Variants in ZNF532 observed in about 807,000 individuals in gnomAD.
ZNF532 encodes zinc finger protein 532.
Under a neutral mutation model 89.3 loss-of-function variants are expected in ZNF532, and 22 were observed. That is an observed-to-expected ratio of 0.25 (90% CI 0.18 to 0.35). ZNF532 has a LOEUF of 0.35. Among genes scored for constraint, ZNF532 ranks in the 10% least tolerant of loss-of-function variants. The pLI is 1.00. For missense variants in ZNF532, 1,132 were observed against 1,643.4 expected (o/e 0.69, Z 5.38); for synonymous variants, 606 against 649.6 (o/e 0.93, Z 1.02).
In ZNF532 at chr18:58,986,258, A is replaced by ATATT. The variant is rs1466298471; in HGVS notation, c.*1792_*1793insTATT. 6.6e-6 allele frequency: 1 copy of ATATT among 152,660 alleles called. No individual in the cohort carries two copies. Among genetic ancestry groups the ATATT allele is most frequent in the Non-Finnish European group, 1.5e-5 (1 of 68,052 alleles). The allele number at this position is 152,660 out of a possible 1,614,324, so 9.5% of individuals were successfully genotyped here. On this transcript the variant is annotated 3_prime_UTR_variant, in exon 10 of 10. Transcript: ENST00000591808. ...GTTTCTGCATTTGAACCTTGCAATA[A>ATATT]GCCTGTGTGGTAGGCCACATAGGTC...
At chr18:58,863,579 G>T, upstream of ZNF532, 1 of 5,310 alleles carries the variant, frequency 1.9e-4, no homozygotes, top group South Asian at 4.5e-3. Flanking sequence ...CCCCGGCAGC[G>T]GGAACGCAGA....
intron 5 of ZNF532, chr18:58,939,933 G>A (rs554851442): frequency 5.0e-4 from 93 of 186,806 alleles, no homozygotes; most frequent in African/African-American, 1.9e-3. Context: ...TCGCTCTGTC[G>A]CCCAGGCTAG....
chr18:58,870,075 T>G (rs1213420870), intron 2 of ZNF532, among the ~76,000 whole-genome samples: 2 of 111,226 alleles, frequency 1.8e-5, no homozygotes, highest in African/African-American at 3.6e-5. Context: ...CCAGGTTGTT[T>G]TTTTTTTTTT....
chr18:58,915,881 G>A (rs925423123), intron 2 of ZNF532, among the ~76,000 whole-genome samples: 1 of 152,188 alleles, frequency 6.6e-6, no homozygotes, highest in Non-Finnish European at 1.5e-5. Flanking sequence ...GGGATGAACA[G>A]TGTGAAACTG....
At chr18:58,917,909 G>A (rs1739271136) in intron 2 of ZNF532, among the ~76,000 whole-genome samples, 1 of 152,168 alleles carries the variant, frequency 6.6e-6, no homozygotes, top group Non-Finnish European at 1.5e-5. Context: ...ATACTGTCAA[G>A]ATCAAAATAT....
At chr18:58,898,478 A>G (rs1427629004) in intron 2 of ZNF532, among the ~76,000 whole-genome samples, 1 of 152,218 alleles carries the variant, frequency 6.6e-6, no homozygotes, top group Non-Finnish European at 1.5e-5. Context: ...ACCTCTGTCT[A>G]TGGCCTGGCC....
At chr18:58,943,451 C>A (rs959090583) in intron 5 of ZNF532, among the ~76,000 whole-genome samples, 3 of 149,542 alleles carry the variant, frequency 2.0e-5, no homozygotes, top group African/African-American at 7.4e-5. Flanking sequence ...TAAGCCACCG[C>A]GCCCAGCCTT....
chr18:58,983,385 G>A (rs1253089243), intron 9 of ZNF532, among the ~76,000 whole-genome samples: 1 of 152,152 alleles, frequency 6.6e-6, no homozygotes, highest in Non-Finnish European at 1.5e-5. Context: ...GGGCGTTACA[G>A]TTCACCTCCT....
chr18:58,940,964 T>TACACACACACACACA (rs1568376885), intron 5 of ZNF532, among the ~76,000 whole-genome samples: 1 of 45,556 alleles, frequency 2.2e-5, no homozygotes, highest in Non-Finnish European at 4.6e-5. Flanking sequence ...ACACACTCTT[T>TACACACACACACACA]CTCTCTCTCT....
At chr18:58,926,819 T>C (rs1276808322) in intron 3 of ZNF532, among the ~76,000 whole-genome samples, 1 of 152,220 alleles carries the variant, frequency 6.6e-6, no homozygotes, top group Non-Finnish European at 1.5e-5. Context: ...AGGGCTTTTT[T>C]TTGGATAGAT....
At chr18:58,882,038 A>G (rs2057965838) in intron 2 of ZNF532, among the ~76,000 whole-genome samples, 1 of 151,826 alleles carries the variant, frequency 6.6e-6, no homozygotes, top group Non-Finnish European at 1.5e-5. Flanking sequence ...GCTTACTGCA[A>G]CCTCTGCCTC....
intron 7 of ZNF532, among the ~76,000 whole-genome samples, chr18:58,975,454 G>T (rs1016108388): frequency 6.6e-5 from 10 of 152,184 alleles, no homozygotes; most frequent in Non-Finnish European, 2.9e-5. Context: ...AAACAGAAAG[G>T]ACAAGTTATT....
In ZNF532 at chr18:58,953,661, A is replaced by G. The variant is rs1270637192; in HGVS notation, c.3012A>G (p.Glu1004=). The stretch of plus-strand genomic sequence containing the variant: ...CCATGAATGGGAAAGAGAAATTGGA[A>G]AAGAAATCTCCATCTCCTGTGAAAA... ...TKSMNGKEKL[E]KKSPSPVKKS... is the part of the protein sequence containing the mutation. The change falls in exon 7 of 10, where the codon GAA becomes GAG. Residue 1004 remains glutamate (E), a synonymous_variant. Transcript: ENST00000591808. The G allele has an allele frequency of 6.2e-7, 1 of 1,613,916 alleles. No individual in the cohort carries two copies. The highest frequency in any genetic ancestry group is 1.7e-5 in the Admixed American group (1 of 60,004).
intron 2 of ZNF532, among the ~76,000 whole-genome samples, chr18:58,883,712 C>T (rs2058082800): frequency 6.6e-6 from 1 of 152,086 alleles, no homozygotes; most frequent in South Asian, 2.1e-4. Context: ...GGAGGGCTGT[C>T]CTGTGCGTCT....
At chr18:58,916,422 G>A (rs997413991) in intron 2 of ZNF532, among the ~76,000 whole-genome samples, 14 of 152,216 alleles carry the variant, frequency 9.2e-5, no homozygotes, top group African/African-American at 3.1e-4. Flanking sequence ...CTTTAGAGAT[G>A]TTAATGTTTT....
At chr18:58,957,450 T>TG (rs1337207729) in intron 7 of ZNF532, among the ~76,000 whole-genome samples, 1 of 146,268 alleles carries the variant, frequency 6.8e-6, no homozygotes, top group Non-Finnish European at 1.5e-5. Flanking sequence ...TAAAATAACT[T>TG]GGGGAATAAT....
chr18:58,888,741 T>A (rs79297488), intron 2 of ZNF532, among the ~76,000 whole-genome samples: 2,818 of 30,316 alleles, frequency 0.093, 323 homozygotes, highest in Middle Eastern at 0.17. Flanking sequence ...TATATATATA[T>A]TTTATATATA....
chr18:58,869,114 T>C (rs1158058479), intron 2 of ZNF532, among the ~76,000 whole-genome samples: 1 of 152,180 alleles, frequency 6.6e-6, no homozygotes, highest in Non-Finnish European at 1.5e-5. Context: ...ACGTGGGCCA[T>C]TGTTGACCAA....
chr18:58,909,867 T>C (rs1271893349), intron 2 of ZNF532, among the ~76,000 whole-genome samples: 2 of 152,212 alleles, frequency 1.3e-5, no homozygotes, highest in Admixed American at 1.3e-4. Context: ...AAGGATTTCA[T>C]CTCCAAAGCT....
Sources: allele counts gnomAD v4.1 joint callset (sites outside exome capture counted in the v4.1 genomes callset), GRCh38; gene constraint gnomAD v4.1.1; transcripts MANE v1.5; gene names NCBI Gene and HGNC (gene_info 2026-07-23, HGNC 2026-07-21).